Variants in VEPH1 observed in about 807,000 individuals in gnomAD.
The protein encoded by VEPH1 is ventricular zone-expressed PH domain-containing protein homolog 1.
A neutral mutation model predicts 85.2 loss-of-function variants in VEPH1; 80 were observed. The observed-to-expected ratio is 0.94, with a 90% CI of 0.78 to 1.13. VEPH1 has a LOEUF of 1.13. Ranked by LOEUF, VEPH1 falls within the 50% of genes most tolerant of loss-of-function variation. The pLI is 0.00. For synonymous variants in VEPH1, 297 were observed against 348.0 expected, an observed-to-expected ratio of 0.85 and a Z score of 1.63; for missense variants, 955 against 980.5, an observed-to-expected ratio of 0.97 and a Z score of 0.35.
intron 9 of VEPH1, among the ~76,000 whole-genome samples, chr3:157,355,529 T>G (rs1444162851): frequency 6.6e-6 from 1 of 152,230 alleles, no homozygotes; most frequent in East Asian, 1.9e-4. Flanking sequence ...AAATACCAGC[T>G]AAGTAGATGA....
chr3:157,298,886 T>C (rs1002699345), intron 11 of VEPH1, among the ~76,000 whole-genome samples: 1 of 152,208 alleles, frequency 6.6e-6, no homozygotes, highest in Non-Finnish European at 1.5e-5. Flanking sequence ...CCAATCCACA[T>C]GCAACTTTCA....
intron 5 of VEPH1, among the ~76,000 whole-genome samples, chr3:157,425,075 G>A (rs913125740): frequency 1.3e-5 from 2 of 152,206 alleles, no homozygotes; most frequent in Non-Finnish European, 2.9e-5. Flanking sequence ...GCAGTCTAGG[G>A]ACTTGGTTCC....
chr3:157,429,691 A>C (rs1733000887), intron 4 of VEPH1, among the ~76,000 whole-genome samples: 1 of 152,208 alleles, frequency 6.6e-6, no homozygotes, highest in African/African-American at 2.4e-5. Flanking sequence ...ATTTTCAACA[A>C]TTTGTTTTGT....
chr3:157,360,759 T>C (rs1418995451), intron 9 of VEPH1, among the ~76,000 whole-genome samples: 5 of 152,164 alleles, frequency 3.3e-5, no homozygotes, highest in African/African-American at 1.2e-4. Flanking sequence ...ATTCAAAGTA[T>C]GGTTTCTACT....
chr3:157,478,459 C>T (rs540381222), intron 2 of VEPH1, among the ~76,000 whole-genome samples: 1 of 152,112 alleles, frequency 6.6e-6, no homozygotes, highest in South Asian at 2.1e-4. Context: ...AAACAATGTC[C>T]AAATAATAGT....
At chr3:157,497,211 G>T (rs1256902218) in intron 1 of VEPH1, among the ~76,000 whole-genome samples, 2 of 152,136 alleles carry the variant, frequency 1.3e-5, no homozygotes, top group African/African-American at 2.4e-5. Context: ...TAATGATGAA[G>T]GTGTGAGCAG....
chr3:157,499,625 C>A (rs1309548489), intron 1 of VEPH1: 3 of 152,272 alleles, frequency 2.0e-5, no homozygotes, highest in East Asian at 3.9e-4. Context: ...CCTCACCCAG[C>A]GGAGTTACCT....
intron 6 of VEPH1, among the ~76,000 whole-genome samples, chr3:157,388,152 A>G (rs1240806380): frequency 6.6e-6 from 1 of 152,196 alleles, no homozygotes; most frequent in African/African-American, 2.4e-5. Context: ...TGCAAGGGCC[A>G]TTAGAAATGT....
chr3:157,359,873 C>T (rs540893447), intron 9 of VEPH1, among the ~76,000 whole-genome samples: 10 of 152,262 alleles, frequency 6.6e-5, no homozygotes, highest in Admixed American at 2.6e-4. Flanking sequence ...GTGTTCCTAG[C>T]GTATGGACTT....
At chr3:157,427,982 T>C (rs1377634928) in intron 5 of VEPH1, among the ~76,000 whole-genome samples, 1 of 152,238 alleles carries the variant, frequency 6.6e-6, no homozygotes, top group Non-Finnish European at 1.5e-5. Context: ...TTACTCTCTC[T>C]GCCTGATTTT....
Position 157,481,433 on chromosome 3 carries a change from A to AACACACACACACAC in VEPH1, c.139-10918_139-10905dup, listed in dbSNP as rs1177654727. The stretch of plus-strand genomic sequence containing the variant: ...CTATTCTAAAATTCATATGGAACCA[A>AACACACACACACAC]ACACACACACACACACACACACACA... On this transcript the variant is annotated intron_variant, in intron 2 of 13. Coordinates refer to ENST00000362010, the MANE Select transcript of VEPH1 (RefSeq NM_001167912.2). Among the ~76,000 whole-genome samples, 115 of 38,660 alleles carry AACACACACACACAC rather than the reference A, an allele frequency of 3.0e-3. 4 individuals carry two copies. Among genetic ancestry groups the AACACACACACACAC allele is most frequent in the Middle Eastern group, 0.011 (1 of 90 alleles). The allele number at this position is 38,660 out of a possible 152,430, so 25.4% of individuals were successfully genotyped here. A position where few individuals can be genotyped will look rare whatever the true frequency, so the allele number is the denominator to read the frequency against.
At chr3:157,285,935 A>G (rs1467718376) in intron 12 of VEPH1, among the ~76,000 whole-genome samples, 2 of 152,162 alleles carry the variant, frequency 1.3e-5, no homozygotes, top group East Asian at 1.9e-4. Context: ...TCCTCATAAG[A>G]GTATTGCAAG....
intron 1 of VEPH1, among the ~76,000 whole-genome samples, chr3:157,498,169 G>A (rs1193316255): frequency 6.6e-6 from 1 of 152,204 alleles, no homozygotes; most frequent in African/African-American, 2.4e-5. Flanking sequence ...CACTTGTGCT[G>A]AGTTCATACT....
At chr3:157,425,074 G>A (rs929414480) in intron 5 of VEPH1, among the ~76,000 whole-genome samples, 1 of 152,190 alleles carries the variant, frequency 6.6e-6, no homozygotes, top group Non-Finnish European at 1.5e-5. Flanking sequence ...TGCAGTCTAG[G>A]GACTTGGTTC....
At chr3:157,432,414 T>G (rs1733237768) in intron 4 of VEPH1, among the ~76,000 whole-genome samples, 1 of 152,248 alleles carries the variant, frequency 6.6e-6, no homozygotes, top group Middle Eastern at 3.4e-3. Context: ...TCTCCTATAT[T>G]TTCTCTTAAA....
In VEPH1 at chr3:157,261,047, C is replaced by T; in HGVS notation, c.*87G>A. 1 of 1,534,822 alleles carries T rather than the reference C, an allele frequency of 6.5e-7. No individual in the cohort carries two copies. The highest frequency in any genetic ancestry group is 8.8e-7 in the Non-Finnish European group (1 of 1,137,666). ...TGGTATTTAGTAAAAAACAACATGG[C>T]TTGGTAAATTTAGCTCTTTTTCTTG... On this transcript the variant is annotated 3_prime_UTR_variant, in exon 14 of 14. Transcript: ENST00000362010.
intron 2 of VEPH1, among the ~76,000 whole-genome samples, chr3:157,471,583 C>G (rs546345511): frequency 6.6e-6 from 1 of 152,060 alleles, no homozygotes; most frequent in Non-Finnish European, 1.5e-5. Flanking sequence ...AGTATCTTAT[C>G]GCTGTTTTGC....
chr3:157,349,401 A>G (rs923286107), intron 9 of VEPH1, among the ~76,000 whole-genome samples: 11 of 152,202 alleles, frequency 7.2e-5, no homozygotes, highest in African/African-American at 2.7e-4. Flanking sequence ...TAAAAGCCAT[A>G]TATGACGAAC....
At chr3:157,303,282 A>G (rs192532854) in intron 11 of VEPH1, among the ~76,000 whole-genome samples, 33 of 152,260 alleles carry the variant, frequency 2.2e-4, no homozygotes, top group Non-Finnish European at 4.0e-4. Context: ...TTCTTTAAGC[A>G]TTATCTTTTA....
Sources: gnomAD v4.1 joint callset for allele counts (sites outside exome capture counted in the v4.1 genomes callset) on GRCh38, gnomAD v4.1.1 for gene constraint, MANE v1.5 for transcripts, NCBI Gene and HGNC (gene_info 2026-07-23, HGNC 2026-07-21) for gene names.